Variants in ADGRB3 observed in about 807,000 individuals in gnomAD.
ADGRB3 encodes the protein adhesion G protein-coupled receptor B3, also known as brain-specific angiogenesis inhibitor 3.
ADGRB3 carries 37 observed loss-of-function variants against 193.4 expected under a neutral mutation model. That is an observed-to-expected ratio of 0.19 (90% CI 0.15 to 0.25). ADGRB3 has a LOEUF of 0.25. ADGRB3 is among the 10% of genes least tolerant of loss of function. The pLI, the probability that ADGRB3 is intolerant of heterozygous loss-of-function variation, is 1.00. For synonymous variants in ADGRB3, 690 were observed against 644.2 expected (o/e 1.07, Z -1.08); for missense variants, 1,637 against 1,852.9 (o/e 0.88, Z 2.14).
intron 17 of ADGRB3, chr6:69,232,584 G>C: frequency 6.5e-7 from 1 of 1,535,696 alleles, no homozygotes; most frequent in Non-Finnish European, 8.7e-7. Context: ...TGTCAAGGAC[G>C]TCAGAGGCGA....
At chr6:68,699,100 A>T (rs1342400236) in intron 3 of ADGRB3, among the ~76,000 whole-genome samples, 1 of 152,138 alleles carries the variant, frequency 6.6e-6, no homozygotes, top group East Asian at 1.9e-4. Context: ...GCTTCTACAT[A>T]TTTTGGATCA....
At chr6:68,954,944 G>T (rs953051354) in intron 6 of ADGRB3, among the ~76,000 whole-genome samples, 1 of 152,104 alleles carries the variant, frequency 6.6e-6, no homozygotes, top group Non-Finnish European at 1.5e-5. Flanking sequence ...GCCTCCCAAA[G>T]TGCTGCGATT....
chr6:69,047,014 C>T (rs1300197176), intron 13 of ADGRB3, among the ~76,000 whole-genome samples: 6 of 152,082 alleles, frequency 3.9e-5, no homozygotes, highest in East Asian at 3.9e-4. Context: ...CCCACCACCA[C>T]GCCCGGCTAA....
At chr6:69,259,695 C>CAAA (rs397887907) in intron 20 of ADGRB3, among the ~76,000 whole-genome samples, 1,000 of 75,954 alleles carry the variant, frequency 0.013, 19 homozygotes, top group Non-Finnish European at 0.019. Context: ...GACTCTGTCT[C>CAAA]AAAAAAAAAA....
intron 3 of ADGRB3, among the ~76,000 whole-genome samples, chr6:68,698,444 T>C (rs534491376): frequency 6.6e-6 from 1 of 152,018 alleles, no homozygotes; most frequent in Admixed American, 6.6e-5. Flanking sequence ...TCAAAATAAA[T>C]AGGAACTCTT....
At chr6:68,758,637 A>G (rs919546062) in intron 3 of ADGRB3, among the ~76,000 whole-genome samples, 2 of 152,138 alleles carry the variant, frequency 1.3e-5, no homozygotes, top group Non-Finnish European at 2.9e-5. Context: ...GTTATTTGCC[A>G]GTGCAGAAAA....
At chr6:68,756,808 G>T (rs942455970) in intron 3 of ADGRB3, among the ~76,000 whole-genome samples, 4 of 152,094 alleles carry the variant, frequency 2.6e-5, no homozygotes, top group Admixed American at 1.3e-4. Context: ...TACATTTATG[G>T]AGTGATTAAA....
chr6:69,045,877 G>T (rs533317733), intron 13 of ADGRB3, among the ~76,000 whole-genome samples: 1 of 152,074 alleles, frequency 6.6e-6, no homozygotes, highest in African/African-American at 2.4e-5. Flanking sequence ...GACCCTAATT[G>T]ATTTTTCCAT....
At chr6:69,092,556 C>T (rs901188240) in intron 17 of ADGRB3, among the ~76,000 whole-genome samples, 2 of 152,122 alleles carry the variant, frequency 1.3e-5, no homozygotes, top group African/African-American at 2.4e-5. Flanking sequence ...TTGTAAGCAA[C>T]ATGTGTGAAA....
chr6:69,312,944 C>G (rs1295277735), intron 20 of ADGRB3, among the ~76,000 whole-genome samples: 1 of 151,710 alleles, frequency 6.6e-6, no homozygotes, highest in Non-Finnish European at 1.5e-5. Flanking sequence ...TGAGATTTGC[C>G]AAGAACTAAA....
At chr6:69,106,490 C>A (rs1773220191) in intron 17 of ADGRB3, among the ~76,000 whole-genome samples, 1 of 152,158 alleles carries the variant, frequency 6.6e-6, no homozygotes, top group Non-Finnish European at 1.5e-5. Context: ...TACCCTCCTC[C>A]CTTCCATAAG....
intron 3 of ADGRB3, among the ~76,000 whole-genome samples, chr6:68,772,922 T>A (rs1195519875): frequency 2.1e-5 from 1 of 48,250 alleles, no homozygotes; most frequent in African/African-American, 1.2e-4. Flanking sequence ...TATATATATA[T>A]ATATATATAT....
intron 3 of ADGRB3, among the ~76,000 whole-genome samples, chr6:68,858,454 A>G (rs566096387): frequency 1.1e-4 from 17 of 148,546 alleles, no homozygotes; most frequent in African/African-American, 3.7e-4. Flanking sequence ...CAGTGAGCTG[A>G]GATGGAGCCA....
rs571456122 is a variant in ADGRB3 at position 69,175,775 on chromosome 6, A to T, written c.2481-57515A>T. Among the ~76,000 whole-genome samples, 6 of 152,306 alleles carry T rather than the reference A, an allele frequency of 3.9e-5. No homozygotes were observed. In the South Asian group the frequency reaches 1.2e-3, roughly 32 times the overall value. ...TTGACTGCCAATTCATGAGCAAGGA[A>T]TGTTTTTTCCATTTGTTTGTGTCAG... On this transcript the variant is annotated intron_variant, in intron 17 of 31. Coordinates refer to ENST00000370598, the MANE Select transcript of ADGRB3 (RefSeq NM_001704.3).
At chr6:68,868,415 C>G (rs988123498) in intron 3 of ADGRB3, among the ~76,000 whole-genome samples, 1 of 152,078 alleles carries the variant, frequency 6.6e-6, no homozygotes, top group African/African-American at 2.4e-5. Context: ...TATACATTAC[C>G]CAATCCCAAT....
intron 29 of ADGRB3, among the ~76,000 whole-genome samples, chr6:69,365,792 C>T (rs1769555395): frequency 6.6e-6 from 1 of 151,984 alleles, no homozygotes; most frequent in African/African-American, 2.4e-5. Flanking sequence ...ATAGAGCTCT[C>T]AGCATAATGG....
intron 10 of ADGRB3, among the ~76,000 whole-genome samples, chr6:68,981,133 G>A (rs1487415482): frequency 6.6e-6 from 1 of 151,574 alleles, no homozygotes; most frequent in Non-Finnish European, 1.5e-5. Context: ...GCTCCAAAAT[G>A]TTGTGAGTAC....
At chr6:69,260,373 T>C (rs1766897961) in intron 20 of ADGRB3, among the ~76,000 whole-genome samples, 2 of 152,176 alleles carry the variant, frequency 1.3e-5, no homozygotes, top group South Asian at 4.1e-4. Context: ...GCTGTAAGTG[T>C]ATTTACATTT....
intron 30 of ADGRB3, among the ~76,000 whole-genome samples, chr6:69,373,948 T>C (rs72915039): frequency 8.2e-4 from 125 of 152,236 alleles, no homozygotes; most frequent in Non-Finnish European, 1.5e-3. Flanking sequence ...TGTTCTTTTT[T>C]CATCTATTCT....
Sources: gnomAD v4.1 joint callset for allele counts (sites outside exome capture counted in the v4.1 genomes callset) on GRCh38, gnomAD v4.1.1 for gene constraint, MANE v1.5 for transcripts, NCBI Gene and HGNC (gene_info 2026-07-23, HGNC 2026-07-21) for gene names.